RAB31: variants seen among roughly 807,000 people sequenced by gnomAD.
RAB31 encodes the protein RAB31, member RAS oncogene family, also known as ras-related protein Rab-31.
In RAB31, 21 loss-of-function variants were observed where a neutral mutation model predicts 25.6. That is an observed-to-expected ratio of 0.82 (90% CI 0.58 to 1.18). RAB31 has a LOEUF of 1.18. Ranked by LOEUF, RAB31 falls within the 50% of genes most tolerant of loss-of-function variation. The pLI is 0.00. For synonymous variants in RAB31, 87 were observed against 84.0 expected (o/e 1.04, Z -0.20); for missense variants, 196 against 250.1 (o/e 0.78, Z 1.46).
intron 3 of RAB31, among the ~76,000 whole-genome samples, chr18:9,796,234 G>T (rs900999332): frequency 6.6e-6 from 1 of 152,138 alleles, no homozygotes; most frequent in Non-Finnish European, 1.5e-5. Flanking sequence ...GCAGGAAAGG[G>T]TGGGAGTGGG....
At chr18:9,757,725 A>G (rs2068267139) in intron 1 of RAB31, among the ~76,000 whole-genome samples, 1 of 152,148 alleles carries the variant, frequency 6.6e-6, no homozygotes, top group South Asian at 2.1e-4. Context: ...TGTGCTTCAG[A>G]TCCCCTTTGG....
intron 1 of RAB31, among the ~76,000 whole-genome samples, chr18:9,724,589 T>C (rs1397230030): frequency 6.6e-6 from 1 of 152,212 alleles, no homozygotes; most frequent in African/African-American, 2.4e-5. Flanking sequence ...ACTATAATAA[T>C]TTGTAATTGC....
chr18:9,850,296 T>A (rs1599067021), intron 6 of RAB31, among the ~76,000 whole-genome samples: 1 of 152,140 alleles, frequency 6.6e-6, no homozygotes, highest in Non-Finnish European at 1.5e-5. Context: ...TTATTATTAT[T>A]TTTTTATTTT....
At chr18:9,752,472 G>A (rs1010899485) in intron 1 of RAB31, among the ~76,000 whole-genome samples, 1 of 152,186 alleles carries the variant, frequency 6.6e-6, no homozygotes, top group East Asian at 1.9e-4. Flanking sequence ...TGATCTGCCC[G>A]CCTCGGCCTC....
intron 1 of RAB31, among the ~76,000 whole-genome samples, chr18:9,744,044 T>C (rs1209095964): frequency 6.6e-6 from 1 of 152,262 alleles, no homozygotes; most frequent in East Asian, 1.9e-4. Context: ...TTTGCATTTT[T>C]ATTTAGCGGT....
intron 1 of RAB31, among the ~76,000 whole-genome samples, chr18:9,724,250 G>A (rs1280377571): frequency 8.7e-6 from 1 of 114,398 alleles, no homozygotes; most frequent in Non-Finnish European, 1.7e-5. Flanking sequence ...CAGCCTGGGC[G>A]ACAGAGCGAG....
At chr18:9,788,936 CTCCAGCCTGG>C (rs2068446662) in intron 2 of RAB31, among the ~76,000 whole-genome samples, 7 of 152,196 alleles carry the variant, frequency 4.6e-5, no homozygotes, top group Admixed American at 4.6e-4. Flanking sequence ...TGCCACTGCA[CTCCAGCCTGG>C]TTGGCAGAGT....
At chr18:9,854,243 C>T (rs763185034) in intron 6 of RAB31, among the ~76,000 whole-genome samples, 64 of 151,594 alleles carry the variant, frequency 4.2e-4, no homozygotes, top group Non-Finnish European at 8.4e-4. Context: ...GTTTTCTGTT[C>T]CTGTGTTAGT....
intron 5 of RAB31, chr18:9,844,774 A>G (rs949429501): frequency 2.6e-5 from 4 of 152,248 alleles, no homozygotes; most frequent in Non-Finnish European, 5.9e-5. Context: ...TCCAAGTACT[A>G]GCCAGGCCTG....
intron 5 of RAB31, among the ~76,000 whole-genome samples, chr18:9,837,037 G>A (rs2068709179): frequency 6.6e-6 from 1 of 151,830 alleles, no homozygotes; most frequent in South Asian, 2.1e-4. Flanking sequence ...TGAAACATGG[G>A]GAGATTCAGT....
At chr18:9,844,121 C>G (rs1016153756) in intron 5 of RAB31, among the ~76,000 whole-genome samples, 1 of 152,152 alleles carries the variant, frequency 6.6e-6, no homozygotes, top group Non-Finnish European at 1.5e-5. Context: ...CTTCCAGATT[C>G]TTCTCCTCAC....
At chr18:9,729,370 A>T (rs917091659) in intron 1 of RAB31, among the ~76,000 whole-genome samples, 1 of 152,034 alleles carries the variant, frequency 6.6e-6, no homozygotes, top group Non-Finnish European at 1.5e-5. Context: ...TACTAAAAAT[A>T]TAAAAAATTA....
intron 1 of RAB31, among the ~76,000 whole-genome samples, chr18:9,753,421 C>T (rs964395969): frequency 6.6e-6 from 1 of 152,182 alleles, no homozygotes; most frequent in Non-Finnish European, 1.5e-5. Context: ...TGATGCCCTG[C>T]TCCACCTTGG....
intron 3 of RAB31, among the ~76,000 whole-genome samples, chr18:9,803,243 T>TC (rs1338434527): frequency 1.3e-5 from 2 of 150,750 alleles, no homozygotes; most frequent in East Asian, 1.9e-4. Context: ...TTCCTTTCTT[T>TC]TTTTTTTTTT....
chr18:9,711,634 G>T (rs969521662), intron 1 of RAB31, among the ~76,000 whole-genome samples: 11 of 152,204 alleles, frequency 7.2e-5, no homozygotes, highest in Non-Finnish European at 1.0e-4. Context: ...TGTGCTTTGC[G>T]TAGGGAGGTC....
chr18:9,803,955 A>C (rs912828531), intron 3 of RAB31, among the ~76,000 whole-genome samples: 1 of 152,216 alleles, frequency 6.6e-6, no homozygotes, highest in Non-Finnish European at 1.5e-5. Context: ...GGAGAGAAGG[A>C]GGAAGGACAT....
chr18:9,736,068 C>A (rs2068149672), intron 1 of RAB31, among the ~76,000 whole-genome samples: 1 of 151,994 alleles, frequency 6.6e-6, no homozygotes, highest in Non-Finnish European at 1.5e-5. Flanking sequence ...AACTCCTGGG[C>A]TCACACAACC....
chr18:9,808,217 T>C (rs1324721529), intron 3 of RAB31, among the ~76,000 whole-genome samples: 2 of 151,488 alleles, frequency 1.3e-5, no homozygotes, highest in Admixed American at 1.3e-4. Flanking sequence ...CAAAGAAAAA[T>C]GAAAGAAAGG....
chr18:9,751,590 T>G (rs6506696), intron 1 of RAB31, among the ~76,000 whole-genome samples: 85,531 of 152,120 alleles, frequency 0.56, 26,011 homozygotes, highest in African/African-American at 0.81. Flanking sequence ...GCATGTCCAC[T>G]TATTTCTAGG....
Sources: allele counts gnomAD v4.1 joint callset (sites outside exome capture counted in the v4.1 genomes callset), GRCh38; gene constraint gnomAD v4.1.1; transcripts MANE v1.5; gene names NCBI Gene and HGNC (gene_info 2026-07-23, HGNC 2026-07-21).